FBXO31: variants seen among roughly 807,000 people sequenced by gnomAD.
FBXO31 encodes the protein F-box only protein 31.
A neutral mutation model predicts 54.4 loss-of-function variants in FBXO31; 24 were observed. The ratio of observed to expected loss-of-function variants is 0.44; its 90% CI spans 0.32 to 0.62. The LOEUF is 0.62. FBXO31 is among the 20% of genes least tolerant of loss of function. FBXO31 has a pLI of 0.05. For synonymous variants in FBXO31, 388 were observed against 335.6 expected, an observed-to-expected ratio of 1.16 and a Z score of -1.71; for missense variants, 665 against 787.1, an observed-to-expected ratio of 0.84 and a Z score of 1.86.
intron 1 of FBXO31, among the ~76,000 whole-genome samples, chr16:87,380,422 G>T (rs180892296): frequency 1.3e-5 from 2 of 151,212 alleles, no homozygotes; most frequent in African/African-American, 4.9e-5. Flanking sequence ...TTTTTTTTGC[G>T]AAAGGGTCTC....
In FBXO31 at chr16:87,383,260, C is replaced by G. The variant is rs2150701234; in HGVS notation, c.340+145G>C. On this transcript the variant is annotated intron_variant, in intron 1 of 8. Coordinates refer to ENST00000311635, the MANE Select transcript of FBXO31 (RefSeq NM_024735.5). The surrounding 1 kb of genome is among the most constrained non-coding windows in gnomAD (Gnocchi z 4.9). ...GGTGTCACCGCGGCCGCTCCCCACC[C>G]ACACCCAAAACACCACATCGCCGGG... The G allele has an allele frequency of 1.5e-5, 12 of 790,258 alleles. No individual in the cohort carries two copies. Among genetic ancestry groups the G allele is most frequent in the South Asian group, 3.9e-5 (2 of 51,140 alleles). 49.0% of individuals were successfully genotyped at this position (790,258 alleles called of 1,614,324 possible).
At chr16:87,390,378 T>C (rs1030310509), upstream of FBXO31, among the ~76,000 whole-genome samples, 2 of 152,222 alleles carry the variant, frequency 1.3e-5, no homozygotes, top group Admixed American at 1.3e-4. Context: ...CAAGGATCTA[T>C]GACAGTAGTT....
At chr16:87,342,543 C>T (rs1905226188) in intron 5 of FBXO31, among the ~76,000 whole-genome samples, 1 of 152,198 alleles carries the variant, frequency 6.6e-6, no homozygotes, top group Admixed American at 6.5e-5. Context: ...CCTCGGGTCT[C>T]CCTGCAGCTC....
chr16:87,335,178 C>G lies in FBXO31; in HGVS notation c.996+126G>C. On this transcript the variant is annotated intron_variant, in intron 7 of 8. Coordinates refer to ENST00000311635, the MANE Select transcript of FBXO31 (RefSeq NM_024735.5). This position sits in a 1 kb window ranked among gnomAD's most constrained non-coding sequence, Gnocchi z 5.7. ...CTGCTTTCCCAAGCTCCCGGGGCTG[C>G]AGGTGCAAGCCCACTCTGAGGAGCA... 1 of 1,348,590 alleles carries G rather than the reference C, an allele frequency of 7.4e-7. No homozygotes were observed. The highest frequency in any genetic ancestry group is 1.2e-5 in the South Asian group (1 of 81,422). 83.5% of individuals were successfully genotyped at this position (1,348,590 alleles called of 1,614,324 possible). A position where few individuals can be genotyped will look rare whatever the true frequency, so the allele number is the denominator to read the frequency against.
intron 1 of FBXO31, among the ~76,000 whole-genome samples, chr16:87,368,582 T>C (rs1161787393): frequency 6.6e-6 from 1 of 151,814 alleles, no homozygotes; most frequent in African/African-American, 2.4e-5. Flanking sequence ...AGGCTGTTAA[T>C]GCACAGTGTG....
upstream of FBXO31, among the ~76,000 whole-genome samples, chr16:87,384,640 G>C (rs1332671467): frequency 1.3e-5 from 2 of 152,260 alleles, no homozygotes; most frequent in Non-Finnish European, 2.9e-5. Context: ...CCGTGGGCTC[G>C]CCTCGGACCC....
chr16:87,364,461 C>G (rs554933106), intron 1 of FBXO31, among the ~76,000 whole-genome samples: 98 of 152,206 alleles, frequency 6.4e-4, no homozygotes, highest in Non-Finnish European at 1.2e-3. Context: ...CAGTTCGCGC[C>G]GACTCTTCTC....
At chr16:87,360,510 A>G in intron 1 of FBXO31, 144 bp from the exon 2 acceptor site, 1 of 672,200 alleles carries the variant, frequency 1.5e-6, no homozygotes, top group Non-Finnish European at 2.7e-6. Flanking sequence ...TGGAGATTTC[A>G]CTGACTTCTC....
chr16:87,350,181 T>C (rs929010909), intron 2 of FBXO31, among the ~76,000 whole-genome samples: 1 of 151,878 alleles, frequency 6.6e-6, no homozygotes, highest in East Asian at 1.9e-4. Flanking sequence ...GCAAGACCAC[T>C]CCAGACCACA....
chr16:87,361,284 AG>A (rs1218435570), intron 1 of FBXO31, among the ~76,000 whole-genome samples: 6 of 152,254 alleles, frequency 3.9e-5, no homozygotes, highest in African/African-American at 1.4e-4. Flanking sequence ...ACAAGTGCAG[AG>A]AGGTGACATG....
chr16:87,331,175 G>A lies in FBXO31; in HGVS notation c.*113C>T. On this transcript the variant is annotated 3_prime_UTR_variant, in exon 9 of 9. Transcript: ENST00000311635. ...GTGGCTGGACTGGGCCCCCCGACGA[G>A]GTGTGCGTTCTGGTCAAAAGGCCGG... is the stretch of plus-strand genomic sequence containing the variant. The A allele has an allele frequency of 9.8e-7, 1 of 1,018,982 alleles. No individual in the cohort carries two copies. The highest frequency in any genetic ancestry group is 1.5e-6 in the Non-Finnish European group (1 of 681,854). 63.1% of individuals were successfully genotyped at this position (1,018,982 alleles called of 1,614,324 possible).
chr16:87,359,794 G>A (rs1906054190), intron 2 of FBXO31, among the ~76,000 whole-genome samples: 1 of 152,216 alleles, frequency 6.6e-6, no homozygotes, highest in African/African-American at 2.4e-5. Flanking sequence ...TGTCACAGTT[G>A]ACTCTGGAAA....
chr16:87,353,962 C>T (rs1158842647), intron 2 of FBXO31, among the ~76,000 whole-genome samples: 3 of 152,208 alleles, frequency 2.0e-5, no homozygotes, highest in Admixed American at 6.5e-5. Flanking sequence ...GACTAGGATG[C>T]GGACGTCTCT....
At chr16:87,339,635 G>A (rs772117776) in intron 5 of FBXO31, among the ~76,000 whole-genome samples, 7 of 152,210 alleles carry the variant, frequency 4.6e-5, no homozygotes, top group East Asian at 1.9e-4. Context: ...GAAGCGGGAC[G>A]AGCCGAGGGA....
intron 2 of FBXO31, among the ~76,000 whole-genome samples, chr16:87,350,558 G>A (rs1202117108): frequency 6.6e-6 from 1 of 152,194 alleles, no homozygotes; most frequent in African/African-American, 2.4e-5. Flanking sequence ...GCATTTAGGA[G>A]TGAAACGTAC....
chr16:87,375,103 G>T (rs1477100117), intron 1 of FBXO31, among the ~76,000 whole-genome samples: 1 of 152,176 alleles, frequency 6.6e-6, no homozygotes, highest in African/African-American at 2.4e-5. Flanking sequence ...CGGATCACAA[G>T]GTTAGGAGAT....
Position 87,345,360 on chromosome 16 carries a change from G to A in FBXO31, c.490-1595C>T, listed in dbSNP as rs914799782. 6.7e-6 allele frequency among the ~76,000 whole-genome samples: 1 copy of A among 148,236 alleles called. No individual in the cohort carries two copies. Among genetic ancestry groups the A allele is most frequent in the Non-Finnish European group, 1.5e-5 (1 of 66,878 alleles). On this transcript the variant is annotated intron_variant, in intron 3 of 8. Transcript: ENST00000311635. The surrounding 1 kb of genome is among the most constrained non-coding windows in gnomAD (Gnocchi z 4.9). ...GCAGGGTGGGAGGGAGGGAGGGGAAGAGGGTGGGAGGGCGGACCGGAAGCC... is the reference window on the plus strand; with the variant it reads ...GCAGGGTGGGAGGGAGGGAGGGGAAAAGGGTGGGAGGGCGGACCGGAAGCC...
rs574014845 is a variant in FBXO31, at chr16:87,346,202, G to A, written c.489+972C>T. Among the ~76,000 whole-genome samples the A allele has an allele frequency of 1.3e-5, 2 of 152,234 alleles. No homozygotes were observed. The highest frequency in any genetic ancestry group is 4.1e-4 in the South Asian group (2 of 4,828). On this transcript the variant is annotated intron_variant, in intron 3 of 8. Transcript: ENST00000311635. The surrounding 1 kb of genome is among the most constrained non-coding windows in gnomAD (Gnocchi z 4.2). ...ACGCTTCCCCAAGCCTGAGACGCGCGCATACCCCGGGCCTGCGCAGAGCAG... is the reference window on the plus strand; with the variant it reads ...ACGCTTCCCCAAGCCTGAGACGCGCACATACCCCGGGCCTGCGCAGAGCAG...
chr16:87,357,277 A>G (rs193176192), intron 2 of FBXO31, among the ~76,000 whole-genome samples: 10 of 151,218 alleles, frequency 6.6e-5, no homozygotes, highest in Admixed American at 2.0e-4. Flanking sequence ...TTAAATTCCT[A>G]TAACTGTGGC....
Sources: gnomAD v4.1 joint callset for allele counts (sites outside exome capture counted in the v4.1 genomes callset) on GRCh38, gnomAD v4.1.1 for gene constraint, Gnocchi (gnomAD v3.1) non-coding constraint, MANE v1.5 for transcripts, NCBI Gene and HGNC (gene_info 2026-07-23, HGNC 2026-07-21) for gene names.